Variants in NOSTRIN observed in about 807,000 individuals in gnomAD.
NOSTRIN encodes the protein BM247 homolog.
In NOSTRIN, 63 loss-of-function variants were observed where a neutral mutation model predicts 59.0. The ratio of observed to expected loss-of-function variants is 1.07; its 90% CI spans 0.87 to 1.32. The LOEUF (loss-of-function observed/expected upper bound fraction) is 1.32. Ranked by LOEUF, NOSTRIN falls within the 40% of genes most tolerant of loss-of-function variation. The probability of loss-of-function intolerance (pLI) is 0.00; values close to 1 mark genes in which losing one functional copy is unlikely to be tolerated. For synonymous variants in NOSTRIN, 200 were observed against 165.4 expected, an observed-to-expected ratio of 1.21 and a Z score of -1.61; for missense variants, 512 against 473.1, an observed-to-expected ratio of 1.08 and a Z score of -0.76.
At chr2:168,849,949 T>G (rs1263937587) in intron 8 of NOSTRIN, among the ~76,000 whole-genome samples, 1 of 150,966 alleles carries the variant, frequency 6.6e-6, no homozygotes, top group African/African-American at 2.4e-5. Context: ...CAGTTTCACT[T>G]TTGTCACCCA....
At chr2:168,801,976 C>T (rs1685627260), upstream of NOSTRIN, among the ~76,000 whole-genome samples, 1 of 152,070 alleles carries the variant, frequency 6.6e-6, no homozygotes, top group African/African-American at 2.4e-5. Flanking sequence ...ATAGCTGTTT[C>T]TGAACATTCT....
rs1184479171 is a variant in NOSTRIN, at chr2:168,865,489, T to G, written c.*519T>G. 1 of 153,650 alleles carries G rather than the reference T, an allele frequency of 6.5e-6. No homozygotes were observed. Among genetic ancestry groups the G allele is most frequent in the Non-Finnish European group, 1.4e-5 (1 of 69,170 alleles). 9.5% of individuals were successfully genotyped at this position (153,650 alleles called of 1,614,324 possible). A position where few individuals can be genotyped will look rare whatever the true frequency, so the allele number is the denominator to read the frequency against. On this transcript the variant is annotated 3_prime_UTR_variant, in exon 16 of 16. Coordinates refer to ENST00000317647, the MANE Select transcript of NOSTRIN (RefSeq NM_001039724.4). ...ACCCAAATTAGGGGATGGTAGGATATCTCTGACAAACCCACAGCCAATATC... is the reference window on the plus strand; with the variant it reads ...ACCCAAATTAGGGGATGGTAGGATAGCTCTGACAAACCCACAGCCAATATC...
chr2:168,844,583 G>A (rs1688294245), intron 8 of NOSTRIN, among the ~76,000 whole-genome samples: 1 of 152,172 alleles, frequency 6.6e-6, no homozygotes, highest in African/African-American at 2.4e-5. Context: ...AGCCTGAGAT[G>A]GTTTAAGATT....
chr2:168,800,838 G>T (rs951623486), upstream of NOSTRIN, among the ~76,000 whole-genome samples: 2 of 150,312 alleles, frequency 1.3e-5, no homozygotes, highest in South Asian at 4.3e-4. Context: ...TGAGGGCAGA[G>T]AAGCCCCCTC....
At chr2:168,805,628 A>C (rs1053801810) in intron 1 of NOSTRIN, among the ~76,000 whole-genome samples, 61 of 152,316 alleles carry the variant, frequency 4.0e-4, no homozygotes, top group African/African-American at 1.3e-3. Context: ...AGTATCCAGG[A>C]AGGGGTCTGT....
chr2:168,793,841 C>A (rs1260375806), upstream of NOSTRIN, among the ~76,000 whole-genome samples: 1 of 152,126 alleles, frequency 6.6e-6, no homozygotes, highest in African/African-American at 2.4e-5. Flanking sequence ...TTTCTGGATA[C>A]AACAGAATAG....
chr2:168,859,742 T>C (rs937779077), intron 13 of NOSTRIN, 105 bp downstream of exon 13: 2 of 1,363,584 alleles, frequency 1.5e-6, no homozygotes, highest in Non-Finnish European at 2.0e-6. Context: ...CTATGTGATA[T>C]TAATATTCAT....
intron 1 of NOSTRIN, among the ~76,000 whole-genome samples, chr2:168,806,892 A>G (rs1208000331): frequency 6.6e-6 from 1 of 152,190 alleles, no homozygotes; most frequent in Non-Finnish European, 1.5e-5. Context: ...TGACATCAAG[A>G]AGCCAGCTGT....
Position 168,841,235 on chromosome 2 carries a change from C to CAAAAAAA in NOSTRIN, c.505-1737_505-1731dup, listed in dbSNP as rs57480764. Among the ~76,000 whole-genome samples, 134 of 106,550 alleles carry CAAAAAAA rather than the reference C, an allele frequency of 1.3e-3. 1 individual carries two copies. The highest frequency in any genetic ancestry group is 3.2e-3 in the African/African-American group (90 of 28,510). The allele number at this position is 106,550 out of a possible 152,430, so 69.9% of individuals were successfully genotyped here. A position where few individuals can be genotyped will look rare whatever the true frequency, so the allele number is the denominator to read the frequency against. On this transcript the variant is annotated intron_variant, in intron 7 of 15. Transcript: ENST00000317647. ...GGGTGACAGAGCCAGACCCTGTCTC[C>CAAAAAAA]AAAAAAAAAAAAAAAAAAAAAAAAA...
intron 15 of NOSTRIN, among the ~76,000 whole-genome samples, chr2:168,863,953 C>G (rs1028385991): frequency 6.6e-6 from 1 of 151,932 alleles, no homozygotes; most frequent in African/African-American, 2.4e-5. Context: ...CTCTGTCACC[C>G]AGGCTGCAGT....
chr2:168,832,804 T>TA (rs943232197), intron 6 of NOSTRIN, among the ~76,000 whole-genome samples: 2 of 152,162 alleles, frequency 1.3e-5, no homozygotes, highest in African/African-American at 4.8e-5. Context: ...TTTAAAGAAA[T>TA]AGAGACAGGG....
rs752240367 is a variant in NOSTRIN at position 168,851,238 on chromosome 2, CT to C, written c.730-38del. The stretch of plus-strand genomic sequence containing the variant: ...ATGCCTGGTAAGAAGGGGCAGAAAC[CT>C]TTCTTCGACAACCTTATTCTGTTCC... On this transcript the variant is annotated intron_variant, in intron 9 of 15. Coordinates refer to ENST00000317647, the MANE Select transcript of NOSTRIN (RefSeq NM_001039724.4). 2.5e-6 allele frequency: 4 copies of C among 1,613,900 alleles called. No individual in the cohort carries two copies. The South Asian group carries it at 4.4e-5, about 18-fold the overall frequency.
At chr2:168,788,378 A>G (rs1685259912) in intron 2 of NOSTRIN, among the ~76,000 whole-genome samples, 1 of 152,098 alleles carries the variant, frequency 6.6e-6, no homozygotes, top group Admixed American at 6.6e-5. Flanking sequence ...TATCTCTGCT[A>G]GGTGAGGGAA....
In NOSTRIN at chr2:168,828,512, A is replaced by T. The variant is rs1392081737; in HGVS notation, c.342+11A>T. ...AAGAAGAGAAAATCAGTGAGTCCAA[A>T]CCTTTCTTTACTCTTCCTGTTTAAA... On this transcript the variant is annotated intron_variant, in intron 5 of 15. Transcript: ENST00000317647. 1 of 849,524 alleles carries T rather than the reference A, an allele frequency of 1.2e-6. No homozygotes were observed. Among genetic ancestry groups the T allele is most frequent in the East Asian group, 2.4e-5 (1 of 40,996 alleles). The allele number at this position is 849,524 out of a possible 1,614,324, so 52.6% of individuals were successfully genotyped here. A position where few individuals can be genotyped will look rare whatever the true frequency, so the allele number is the denominator to read the frequency against.
chr2:168,840,090 G>A (rs1191471525), intron 7 of NOSTRIN, among the ~76,000 whole-genome samples: 2 of 151,734 alleles, frequency 1.3e-5, no homozygotes, highest in Admixed American at 6.6e-5. Flanking sequence ...CTGGGGTGCT[G>A]AGCATTCTCA....
At chr2:168,849,918 A>ATTT (rs71297456) in intron 8 of NOSTRIN, among the ~76,000 whole-genome samples, 2 of 91,396 alleles carry the variant, frequency 2.2e-5, no homozygotes, top group Non-Finnish European at 4.4e-5. Flanking sequence ...ACATTTTCTC[A>ATTT]TTTTTTTTTT....
chr2:168,791,184 T>G (rs1349605669), intron 2 of NOSTRIN, among the ~76,000 whole-genome samples: 1 of 152,124 alleles, frequency 6.6e-6, no homozygotes, highest in Non-Finnish European at 1.5e-5. Context: ...GATGTTCCCC[T>G]TCCTCTGTCC....
intron 7 of NOSTRIN, among the ~76,000 whole-genome samples, 176 bp downstream of exon 7, chr2:168,834,501 G>GCACACACACACACA (rs1425272036): frequency 0.26 from 28,610 of 110,168 alleles, 3,541 homozygotes; most frequent in South Asian, 0.43. Flanking sequence ...GCGCGCGCGC[G>GCACACACACACACA]CGCGCGCACA....
chr2:168,850,184 A>G (rs1688676584), intron 8 of NOSTRIN, among the ~76,000 whole-genome samples: 2 of 152,132 alleles, frequency 1.3e-5, no homozygotes, highest in Admixed American at 1.3e-4. Context: ...ACGTGCTGGG[A>G]TTATAGGCAT....
Sources: gnomAD v4.1 joint callset for allele counts (sites outside exome capture counted in the v4.1 genomes callset) on GRCh38, gnomAD v4.1.1 for gene constraint, MANE v1.5 for transcripts, NCBI Gene and HGNC (gene_info 2026-07-23, HGNC 2026-07-21) for gene names.